The following UTP6 variants were observed in gnomAD, a reference collection of about 807,000 sequenced individuals.
UTP6 encodes the protein U3 small nucleolar RNA-associated protein 6 homolog.
A neutral mutation model predicts 96.5 loss-of-function variants in UTP6; 60 were observed. The ratio of observed to expected loss-of-function variants is 0.62; its 90% CI spans 0.51 to 0.77. The LOEUF is 0.77. UTP6 is among the 30% of genes least tolerant of loss of function. The pLI is 0.00. For synonymous variants in UTP6, 215 were observed against 240.1 expected (o/e 0.90, Z 0.96); for missense variants, 637 against 706.5 (o/e 0.90, Z 1.12).
At chr17:31,865,560 A>G (rs980838131) in intron 17 of UTP6, 122 bp from the exon 18 acceptor site, 4 of 904,636 alleles carry the variant, frequency 4.4e-6, no homozygotes, top group African/African-American at 3.4e-5. Context: ...TAACATGAAC[A>G]CAACTTGGCT....
intron 13 of UTP6, among the ~76,000 whole-genome samples, chr17:31,877,763 T>TA (rs956554308): frequency 2.0e-5 from 3 of 152,024 alleles, no homozygotes; most frequent in African/African-American, 7.3e-5. Context: ...GGTCAGAAGT[T>TA]AGAGACCAGC....
chr17:31,878,167 T>C (rs1910608602), intron 13 of UTP6, 83 bp downstream of exon 13: 2 of 1,393,400 alleles, frequency 1.4e-6, no homozygotes, highest in African/African-American at 1.4e-5. Flanking sequence ...TAAGACTATA[T>C]ATATTTAAAA....
rs1911204122 is a variant in UTP6, at chr17:31,887,258, A to G, written c.599T>C (p.Phe200Ser). Reference sequence around the variant, plus strand: ...TACCACATCCATACTGGCTTTTTCAAATTCTTCCTTCTCCTTCCTCAGTTT... The same window carrying G: ...TACCACATCCATACTGGCTTTTTCAGATTCTTCCTTCTCCTTCCTCAGTTT... ...AEKLRKEKEEFEKASMDVENP... is the reference protein window; with the variant it reads ...AEKLRKEKEESEKASMDVENP... The change falls in exon 8 of 19, where the codon TTT becomes TCT. Residue 200 changes from phenylalanine (F) to serine (S), a missense_variant. Physicochemically the swap from Phe to Ser is radical, Grantham distance 155 (BLOSUM62 -2). Transcript: ENST00000261708. The G allele has an allele frequency of 6.2e-7, 1 of 1,613,994 alleles. No homozygotes were observed. The highest frequency in any genetic ancestry group is 1.7e-5 in the Admixed American group (1 of 59,978).
At chr17:31,873,774 G>A in intron 14 of UTP6, 21 bp from the exon 15 acceptor site, 1 of 1,600,036 alleles carries the variant, frequency 6.2e-7, no homozygotes, top group Non-Finnish European at 8.5e-7. Context: ...TTTAAAAAAT[G>A]TTAGTTAGAG....
chr17:31,878,078 T>C, intron 13 of UTP6, among the ~76,000 whole-genome samples, 172 bp downstream of exon 13: 1 of 152,242 alleles, frequency 6.6e-6, no homozygotes, highest in South Asian at 2.1e-4. Flanking sequence ...AGTACAGATT[T>C]CATTTTTTGC....
intron 9 of UTP6, 33 bp from the exon 10 acceptor site, chr17:31,884,538 T>C: frequency 1.3e-6 from 2 of 1,525,376 alleles, no homozygotes; most frequent in Non-Finnish European, 1.8e-6. Flanking sequence ...GGGAAGTTTA[T>C]TGCCAATAAG....
intron 2 of UTP6, among the ~76,000 whole-genome samples, chr17:31,897,485 T>A (rs1422543912): frequency 6.7e-6 from 1 of 148,298 alleles, no homozygotes; most frequent in Non-Finnish European, 1.5e-5. Flanking sequence ...TTCGCTCTTG[T>A]CTCCCAGGCT....
At chr17:31,884,085 G>A (rs974261409) in intron 10 of UTP6, among the ~76,000 whole-genome samples, 5 of 147,642 alleles carry the variant, frequency 3.4e-5, no homozygotes, top group Admixed American at 1.4e-4. Flanking sequence ...TGCAACCTCC[G>A]CCTCCCAGGT....
rs1567786340 is a variant in UTP6, at chr17:31,883,645, TC to T, written c.785+778del. Reference sequence around the variant, plus strand: ...TTTTTTTTTTATTGAATAAACTATTTCCCCCAGTAAGTGAATCAAAGAACTC... The same window carrying T: ...TTTTTTTTTTATTGAATAAACTATTTCCCCAGTAAGTGAATCAAAGAACTC... On this transcript the variant is annotated intron_variant, in intron 10 of 18. Coordinates refer to ENST00000261708, the MANE Select transcript of UTP6 (RefSeq NM_018428.3). Among the ~76,000 whole-genome samples the T allele has an allele frequency of 3.3e-5, 5 of 151,510 alleles. No homozygotes were observed. In the South Asian group the frequency reaches 8.4e-4, roughly 25 times the overall value.
chr17:31,865,158 G>A (rs1490147194), intron 18 of UTP6, among the ~76,000 whole-genome samples: 1 of 152,076 alleles, frequency 6.6e-6, no homozygotes, highest in Non-Finnish European at 1.5e-5. Context: ...AGGGATTACA[G>A]GTGCGCACCA....
Position 31,889,336 on chromosome 17 carries a change from T to C in UTP6, c.492A>G (p.Leu164=), listed in dbSNP as rs773061886. The C allele has an allele frequency of 2.5e-6, 4 of 1,613,804 alleles. No homozygotes were observed. Among genetic ancestry groups the C allele is most frequent in the Non-Finnish European group, 3.4e-6 (4 of 1,179,932 alleles). ...GATGAAAGCGCAGTGCGCGAAGAAATAGTTGCCTTGCGCTTTCTGAAGACA... is the reference window on the plus strand; with the variant it reads ...GATGAAAGCGCAGTGCGCGAAGAAACAGTTGCCTTGCGCTTTCTGAAGACA... ...DRLSSESARQ[L]FLRALRFHPE... is the part of the protein sequence containing the mutation. Residue 164 remains leucine, a synonymous_variant, in exon 7 of 19, where the codon CTA becomes CTG. Coordinates refer to ENST00000261708, the MANE Select transcript of UTP6 (RefSeq NM_018428.3).
chr17:31,880,500 G>A (rs781077010), intron 11 of UTP6, 73 bp downstream of exon 11: 5 of 1,589,822 alleles, frequency 3.1e-6, no homozygotes, highest in East Asian at 2.2e-5. Context: ...TTTGGCAATG[G>A]GAACAGGAGC....
chr17:31,867,963 AC>A, intron 17 of UTP6, 82 bp downstream of exon 17: 1 of 1,446,178 alleles, frequency 6.9e-7, no homozygotes, highest in Non-Finnish European at 9.5e-7. Flanking sequence ...CTCAAAAAAA[AC>A]AAAAAAACAA....
intron 1 of UTP6, among the ~76,000 whole-genome samples, chr17:31,900,142 CAAAA>C (rs934899867): frequency 1.0e-4 from 15 of 143,504 alleles, no homozygotes; most frequent in Admixed American, 4.2e-4. Context: ...GACTCCATCT[CAAAA>C]AAAAAAAGTA....
At chr17:31,871,685 G>A (rs1208089147) in intron 16 of UTP6, among the ~76,000 whole-genome samples, 1 of 152,056 alleles carries the variant, frequency 6.6e-6, no homozygotes, top group African/African-American at 2.4e-5. Flanking sequence ...CTTGGGCCCA[G>A]GAGTTCAAGA....
In UTP6 at chr17:31,901,547, A is replaced by C. The variant is rs747087699; in HGVS notation, c.81T>G (p.His27Gln). The change falls in exon 1 of 19, where the codon CAT (histidine) becomes CAG (glutamine). Residue 27 changes from histidine to glutamine, a missense_variant. His to Gln is a conservative substitution (Grantham distance 24). Transcript: ENST00000261708. ...EQLERIGLFS[H>Q]AEIKAIIKKA... ...CAACCCTCTCTCACTTAATCTCCGCATGACTGAACAGTCCAATGCGCTCCA... is the reference window on the plus strand; with the variant it reads ...CAACCCTCTCTCACTTAATCTCCGCCTGACTGAACAGTCCAATGCGCTCCA... 1.9e-6 allele frequency: 3 copies of C among 1,613,808 alleles called. No individual in the cohort carries two copies. The Admixed American group carries it at 5.0e-5, about 27-fold the overall frequency.
chr17:31,869,374 C>T (rs1031346518), intron 16 of UTP6, among the ~76,000 whole-genome samples: 1 of 152,272 alleles, frequency 6.6e-6, no homozygotes, highest in East Asian at 1.9e-4. Context: ...CGCTATGTTG[C>T]TCAGGCTGGT....
At chr17:31,897,096 G>T (rs1904697193) in intron 2 of UTP6, among the ~76,000 whole-genome samples, 1 of 151,904 alleles carries the variant, frequency 6.6e-6, no homozygotes, top group Non-Finnish European at 1.5e-5. Context: ...AGACCAGCCT[G>T]GGCAACATAA....
intron 10 of UTP6, among the ~76,000 whole-genome samples, chr17:31,881,340 C>T (rs907150590): frequency 6.8e-6 from 1 of 146,580 alleles, no homozygotes; most frequent in Non-Finnish European, 1.5e-5. Context: ...AATCTCAGTT[C>T]GCTGCAACCC....
Sources: gnomAD v4.1 joint callset for allele counts (sites outside exome capture counted in the v4.1 genomes callset) on GRCh38, gnomAD v4.1.1 for gene constraint, MANE v1.5 for transcripts, NCBI Gene and HGNC (gene_info 2026-07-23, HGNC 2026-07-21) for gene names.